The following RASSF8 variants were observed in gnomAD, a reference collection of about 807,000 sequenced individuals.
RASSF8 encodes Ras association domain family member 8.
Under a neutral mutation model 48.5 loss-of-function variants are expected in RASSF8, and 22 were observed. The observed-to-expected ratio is 0.45, with a 90% confidence interval of 0.32 to 0.65. The LOEUF (loss-of-function observed/expected upper bound fraction) is 0.65, where lower values mean the gene tolerates loss of function less well. Ranked by LOEUF, RASSF8 falls within the 30% of genes least tolerant of loss-of-function variation. The pLI is 0.03. For missense variants in RASSF8, 418 were observed against 489.2 expected, an observed-to-expected ratio of 0.85 and a Z score of 1.37; for synonymous variants, 127 against 171.5, an observed-to-expected ratio of 0.74 and a Z score of 2.03.
chr12:25,984,002 T>A (rs545558456), intron 1 of RASSF8, among the ~76,000 whole-genome samples: 64 of 152,344 alleles, frequency 4.2e-4, no homozygotes, highest in Non-Finnish European at 6.8e-4. Context: ...TCCATTCATA[T>A]GAGCTTCAGA....
At chr12:26,040,682 C>T (rs908928726) in intron 2 of RASSF8, among the ~76,000 whole-genome samples, 1 of 152,150 alleles carries the variant, frequency 6.6e-6, no homozygotes, top group African/African-American at 2.4e-5. Context: ...TCAGTGGTAA[C>T]TTACTTAGTC....
At chr12:25,970,935 T>G (rs1941470835) in intron 1 of RASSF8, among the ~76,000 whole-genome samples, 1 of 152,258 alleles carries the variant, frequency 6.6e-6, no homozygotes, top group South Asian at 2.1e-4. Flanking sequence ...TGGCTGTCCC[T>G]TTCTCTTGAA....
At chr12:26,055,565 C>A in intron 3 of RASSF8, 119 bp downstream of exon 3, 2 of 849,894 alleles carry the variant, frequency 2.4e-6, no homozygotes, top group Non-Finnish European at 3.9e-6. Flanking sequence ...ATAAGTCTCA[C>A]AGGCACTCTT....
intron 2 of RASSF8, among the ~76,000 whole-genome samples, chr12:26,026,298 A>C (rs987932972): frequency 1.3e-5 from 2 of 152,244 alleles, no homozygotes; most frequent in African/African-American, 2.4e-5. Context: ...GAAAATTGAC[A>C]AAGTATCTCA....
chr12:26,031,543 CCAGGTGGATCA>C (rs1422080985), intron 2 of RASSF8, among the ~76,000 whole-genome samples: 7 of 152,034 alleles, frequency 4.6e-5, no homozygotes, highest in African/African-American at 1.7e-4. Context: ...TGGCAGTGTG[CCAGGTGGATCA>C]CAGAGAGGTG....
Position 26,071,368 on chromosome 12 carries a change from G to C in RASSF8, c.*2550G>C. ...AATTTTCATCTGGGGGAATGTTCAG[G>C]TTCTAAATACTAAATTAGATTTCAA... On this transcript the variant is annotated 3_prime_UTR_variant, in exon 6 of 6. Coordinates refer to ENST00000689635, the MANE Select transcript of RASSF8 (RefSeq NM_001394098.1). 1 of 958,074 alleles carries C rather than the reference G, an allele frequency of 1.0e-6. No homozygotes were observed. Among genetic ancestry groups the C allele is most frequent in the South Asian group, 4.8e-5 (1 of 20,676 alleles). The allele number at this position is 958,074 out of a possible 1,614,324, so 59.3% of individuals were successfully genotyped here.
chr12:25,993,583 C>T (rs1942063099), intron 1 of RASSF8, among the ~76,000 whole-genome samples: 1 of 152,198 alleles, frequency 6.6e-6, no homozygotes, highest in South Asian at 2.1e-4. Context: ...CCTCTTCTCA[C>T]TTGGTTTTCA....
intron 2 of RASSF8, among the ~76,000 whole-genome samples, chr12:26,035,479 T>G (rs191930013): frequency 3.1e-5 from 4 of 127,746 alleles, no homozygotes; most frequent in East Asian, 2.1e-4. Flanking sequence ...TATTATATAA[T>G]TATATAATTA....
chr12:26,079,104 CA>C, exon 6 of RASSF8: 2 of 1,469,234 alleles, frequency 1.4e-6, no homozygotes. Context: ...GCAAGAAAAG[CA>C]AAAATGAACA....
chr12:26,012,503 TCTC>T (rs1942550497), intron 2 of RASSF8, among the ~76,000 whole-genome samples: 1 of 152,110 alleles, frequency 6.6e-6, no homozygotes, highest in African/African-American at 2.4e-5. Flanking sequence ...ATAGACATCA[TCTC>T]CTCATCCAGT....
intron 2 of RASSF8, among the ~76,000 whole-genome samples, chr12:26,026,191 C>G (rs1942908814): frequency 6.6e-6 from 1 of 152,114 alleles, no homozygotes; most frequent in Admixed American, 6.5e-5. Context: ...AGTGAAAAGA[C>G]AACTTTAATG....
intron 2 of RASSF8, among the ~76,000 whole-genome samples, chr12:26,026,123 G>A (rs1942907342): frequency 6.6e-6 from 1 of 152,148 alleles, no homozygotes; most frequent in African/African-American, 2.4e-5. Context: ...CAAAAGAAAA[G>A]ATAGGTAAAC....
Position 26,070,974 on chromosome 12 carries a change from A to C in RASSF8, c.*2156A>C. ...CTTGTAGTAGTCTTGGGTTCCCAGC[A>C]GAGTATCACAGTTAACCTCTCTGAC... On this transcript the variant is annotated 3_prime_UTR_variant, in exon 6 of 6. Coordinates refer to ENST00000689635, the MANE Select transcript of RASSF8 (RefSeq NM_001394098.1). 1 of 984,784 alleles carries C rather than the reference A, an allele frequency of 1.0e-6. No homozygotes were observed. The allele number at this position is 984,784 out of a possible 1,614,324, so 61.0% of individuals were successfully genotyped here. A position where few individuals can be genotyped will look rare whatever the true frequency, so the allele number is the denominator to read the frequency against.
At chr12:26,038,356 A>G (rs1020013942) in intron 2 of RASSF8, among the ~76,000 whole-genome samples, 2 of 152,248 alleles carry the variant, frequency 1.3e-5, no homozygotes, top group East Asian at 1.9e-4. Context: ...ATTTATGAGC[A>G]CCGTAGATCC....
At chr12:26,058,538 G>GCGCGCACA (rs377669426) in intron 3 of RASSF8, among the ~76,000 whole-genome samples, 7 of 148,998 alleles carry the variant, frequency 4.7e-5, no homozygotes, top group African/African-American at 1.7e-4. Context: ...ACGCGCGCGC[G>GCGCGCACA]CACACACACA....
At chr12:26,059,299 T>A (rs997495344) in intron 3 of RASSF8, among the ~76,000 whole-genome samples, 1 of 152,226 alleles carries the variant, frequency 6.6e-6, no homozygotes, top group Non-Finnish European at 1.5e-5. Flanking sequence ...TGATCCACGG[T>A]ACTTTGATAC....
At chr12:26,051,816 A>T (rs909165834) in intron 2 of RASSF8, among the ~76,000 whole-genome samples, 1 of 152,244 alleles carries the variant, frequency 6.6e-6, no homozygotes. Context: ...CTGATTCATT[A>T]ACGTTGAACC....
At chr12:26,011,876 A>G (rs527596367) in intron 2 of RASSF8, 1 of 152,346 alleles carries the variant, frequency 6.6e-6, no homozygotes, top group African/African-American at 2.4e-5. Flanking sequence ...TATTTATTAT[A>G]TTAGCCCAAA....
At chr12:25,977,700 C>G (rs975644645) in intron 1 of RASSF8, among the ~76,000 whole-genome samples, 1 of 151,586 alleles carries the variant, frequency 6.6e-6, no homozygotes, top group African/African-American at 2.4e-5. Flanking sequence ...TCTTGCTTTA[C>G]AAGTATACTT....
Sources: allele counts gnomAD v4.1 joint callset (sites outside exome capture counted in the v4.1 genomes callset), GRCh38; gene constraint gnomAD v4.1.1; transcripts MANE v1.5; gene names NCBI Gene and HGNC (gene_info 2026-07-23, HGNC 2026-07-21).